GOLGA7: variants seen among roughly 807,000 people sequenced by gnomAD.
GOLGA7 encodes the protein golgin subfamily A member 7.
Under a neutral mutation model 21.1 loss-of-function variants are expected in GOLGA7, and 10 were observed. The ratio of observed to expected loss-of-function variants is 0.47; its 90% CI spans 0.29 to 0.80. The LOEUF (loss-of-function observed/expected upper bound fraction) is 0.80, where lower values mean the gene tolerates loss of function less well. GOLGA7 is among the 30% of genes least tolerant of loss of function. The probability of loss-of-function intolerance (pLI) is 0.08; values close to 1 mark genes in which losing one functional copy is unlikely to be tolerated. For synonymous variants in GOLGA7, 64 were observed against 62.6 expected, an observed-to-expected ratio of 1.02 and a Z score of -0.10; for missense variants, 114 against 166.8, an observed-to-expected ratio of 0.68 and a Z score of 1.74.
intron 2 of GOLGA7, among the ~76,000 whole-genome samples, chr8:41,501,692 A>G (rs1806154539): frequency 6.6e-6 from 1 of 152,226 alleles, no homozygotes; most frequent in Non-Finnish European, 1.5e-5. Context: ...CACTGTGCCC[A>G]GCCAAGATAG....
intron 2 of GOLGA7, among the ~76,000 whole-genome samples, chr8:41,502,989 A>G (rs981727509): frequency 8.5e-5 from 13 of 152,100 alleles, no homozygotes; most frequent in Non-Finnish European, 1.0e-4. Flanking sequence ...ACACATATTA[A>G]TGCTCTTCTG....
chr8:41,498,838 A>G (rs1806081915), intron 2 of GOLGA7, among the ~76,000 whole-genome samples: 1 of 152,102 alleles, frequency 6.6e-6, no homozygotes, highest in African/African-American at 2.4e-5. Flanking sequence ...CATTGAATGT[A>G]TGTTAAATAA....
chr8:41,496,623 C>T (rs569675045), intron 1 of GOLGA7, among the ~76,000 whole-genome samples: 3 of 151,418 alleles, frequency 2.0e-5, no homozygotes, highest in South Asian at 2.1e-4. Context: ...AATATAGAAC[C>T]TACGCCTTTT....
chr8:41,493,455 G>A (rs1805934241), intron 1 of GOLGA7, among the ~76,000 whole-genome samples: 2 of 152,178 alleles, frequency 1.3e-5, no homozygotes, highest in South Asian at 4.1e-4. Context: ...GGTTCTGTCT[G>A]TTAACAAGTT....
intron 2 of GOLGA7, among the ~76,000 whole-genome samples, chr8:41,502,125 T>C (rs980509681): frequency 6.6e-6 from 1 of 152,244 alleles, no homozygotes; most frequent in Non-Finnish European, 1.5e-5. Flanking sequence ...TTGTGCAGAA[T>C]TAATAACTGG....
At chr8:41,504,218 G>A (rs946472498) in intron 2 of GOLGA7, among the ~76,000 whole-genome samples, 13 of 151,760 alleles carry the variant, frequency 8.6e-5, no homozygotes, top group East Asian at 3.9e-4. Context: ...TTCTTTGCTC[G>A]TAACCTGTAC....
At chr8:41,494,098 CT>C (rs1387902619) in intron 1 of GOLGA7, among the ~76,000 whole-genome samples, 2 of 151,798 alleles carry the variant, frequency 1.3e-5, no homozygotes, top group South Asian at 2.1e-4. Context: ...TTTTATTAAC[CT>C]TTTTTTGTTT....
chr8:41,506,155 A>G (rs995248881), intron 3 of GOLGA7, 143 bp downstream of exon 3: 4 of 513,282 alleles, frequency 7.8e-6, no homozygotes, highest in Non-Finnish European at 1.4e-5. Context: ...CCTACTGTAA[A>G]CCCCGTGTCT....
intron 2 of GOLGA7, among the ~76,000 whole-genome samples, chr8:41,505,586 A>G (rs1273808344): frequency 6.6e-6 from 1 of 152,246 alleles, no homozygotes. Context: ...CATTGTGTAT[A>G]TAACCATCTG....
intron 2 of GOLGA7, among the ~76,000 whole-genome samples, chr8:41,500,031 C>T (rs1303069618): frequency 2.0e-5 from 3 of 152,188 alleles, no homozygotes; most frequent in Non-Finnish European, 4.4e-5. Context: ...TCTAATAATA[C>T]GTTCAGTGAG....
chr8:41,507,188 C>A, intron 4 of GOLGA7, 67 bp downstream of exon 4: 1 of 757,502 alleles, frequency 1.3e-6, no homozygotes, highest in South Asian at 1.4e-5. Flanking sequence ...AATATTCTTC[C>A]CCGCATGGTA....
upstream of GOLGA7, chr8:41,490,579 G>GT: frequency 2.2e-6 from 1 of 451,204 alleles, no homozygotes; most frequent in Non-Finnish European, 4.0e-6. Context: ...AAGTGACGGC[G>GT]AAGGCGGTGC....
At chr8:41,492,465 C>T (rs993623986) in intron 1 of GOLGA7, among the ~76,000 whole-genome samples, 1 of 152,192 alleles carries the variant, frequency 6.6e-6, no homozygotes, top group African/African-American at 2.4e-5. Context: ...AATTCAAGAC[C>T]AGCTTGGCCA....
At chr8:41,507,479 A>G (rs1250169530) in intron 4 of GOLGA7, among the ~76,000 whole-genome samples, 1 of 152,210 alleles carries the variant, frequency 6.6e-6, no homozygotes, top group Non-Finnish European at 1.5e-5. Context: ...GAATGAGTTC[A>G]GAGATGTCTA....
intron 2 of GOLGA7, among the ~76,000 whole-genome samples, chr8:41,497,972 ACT>A (rs1338760428): frequency 6.6e-6 from 1 of 151,770 alleles, no homozygotes; most frequent in Non-Finnish European, 1.5e-5. Context: ...CCTAAATTTC[ACT>A]CTCTTCTCCC....
At chr8:41,491,114 A>G in intron 1 of GOLGA7, 149 bp downstream of exon 1, 1 of 623,038 alleles carries the variant, frequency 1.6e-6, no homozygotes, top group Non-Finnish European at 2.9e-6. Context: ...ACGTGTAAGA[A>G]GAGAGCCACT....
chr8:41,499,514 C>T (rs904316604), intron 2 of GOLGA7, among the ~76,000 whole-genome samples: 1 of 152,098 alleles, frequency 6.6e-6, no homozygotes, highest in East Asian at 1.9e-4. Flanking sequence ...GATAGTTTTC[C>T]CCTGGAGTCA....
Position 41,498,015 on chromosome 8 carries a change from C to CCTA in GOLGA7, c.264+358_264+360dup, listed in dbSNP as rs1806062062. Among the ~76,000 whole-genome samples the CCTA allele has an allele frequency of 2.0e-5, 3 of 152,288 alleles. No individual in the cohort carries two copies. The South Asian group carries it at 6.2e-4, about 32-fold the overall frequency. Reference sequence around the variant, plus strand: ...AGTTCTTACTTTCTCTTTCCAGCTGCCTACTAGCTCCCGAATTGCTGATTT... The same window carrying CCTA: ...AGTTCTTACTTTCTCTTTCCAGCTGCCTACTACTAGCTCCCGAATTGCTGATTT... On this transcript the variant is annotated intron_variant, in intron 2 of 4. Coordinates refer to ENST00000357743, the MANE Select transcript of GOLGA7 (RefSeq NM_001002296.2).
chr8:41,490,797 C>T lies in GOLGA7; in HGVS notation c.-58C>T. ...TCAGAGTCCCGGGTCCAGGCCGGGGCTCTGACTCGCGGTTGGTGTTCCCCC... is the reference window on the plus strand; with the variant it reads ...TCAGAGTCCCGGGTCCAGGCCGGGGTTCTGACTCGCGGTTGGTGTTCCCCC... On this transcript the variant is annotated 5_prime_UTR_variant, in exon 1 of 5. Coordinates refer to ENST00000357743, the MANE Select transcript of GOLGA7 (RefSeq NM_001002296.2). The T allele has an allele frequency of 1.0e-6, 1 of 960,076 alleles. No homozygotes were observed. The highest frequency in any genetic ancestry group is 1.6e-6 in the Non-Finnish European group (1 of 618,948). 59.5% of individuals were successfully genotyped at this position (960,076 alleles called of 1,614,324 possible). A position where few individuals can be genotyped will look rare whatever the true frequency, so the allele number is the denominator to read the frequency against.
Sources: allele counts gnomAD v4.1 joint callset (sites outside exome capture counted in the v4.1 genomes callset), GRCh38; gene constraint gnomAD v4.1.1; transcripts MANE v1.5; gene names NCBI Gene and HGNC (gene_info 2026-07-23, HGNC 2026-07-21).